Variants in CTNNA3 observed in about 807,000 individuals in gnomAD.
The protein encoded by CTNNA3 is catenin alpha 3.
In CTNNA3, 76 loss-of-function variants were observed where a neutral mutation model predicts 95.7. The observed-to-expected ratio is 0.79, with a 90% CI of 0.66 to 0.96. CTNNA3 has a LOEUF of 0.96. Among genes scored for constraint, CTNNA3 ranks in the 40% least tolerant of loss-of-function variants. The probability of loss-of-function intolerance (pLI) is 0.00; values close to 1 mark genes in which losing one functional copy is unlikely to be tolerated. For synonymous variants in CTNNA3, 431 were observed against 374.4 expected, an observed-to-expected ratio of 1.15 and a Z score of -1.74; for missense variants, 1,191 against 1,089.8, an observed-to-expected ratio of 1.09 and a Z score of -1.31.
At chr10:66,009,265 G>C (rs892942166) in intron 15 of CTNNA3, among the ~76,000 whole-genome samples, 1 of 152,092 alleles carries the variant, frequency 6.6e-6, no homozygotes, top group African/African-American at 2.4e-5. Context: ...ATCTTGTTCT[G>C]TTTGGGCTTC....
intron 14 of CTNNA3, among the ~76,000 whole-genome samples, chr10:66,070,246 A>G (rs758741503): frequency 1.3e-5 from 2 of 152,180 alleles, no homozygotes; most frequent in Non-Finnish European, 2.9e-5. Flanking sequence ...GTGAGGTTGT[A>G]AGAGAGGAGC....
At position 66,300,531 on chromosome 10, in the gene CTNNA3, T is replaced by C. The variant is rs944268205; in HGVS notation, c.1733-19910A>G. Among the ~76,000 whole-genome samples, 12 of 151,786 alleles carry C rather than the reference T, an allele frequency of 7.9e-5. No individual in the cohort carries two copies. In the South Asian group the frequency reaches 2.5e-3, roughly 32 times the overall value. The stretch of plus-strand genomic sequence containing the variant: ...AACAAGTGATTGAAGTTAATATCAC[T>C]AGTTATATAAGTCATGTTGATATGG... On this transcript the variant is annotated intron_variant, in intron 12 of 17. Coordinates refer to ENST00000433211, the MANE Select transcript of CTNNA3 (RefSeq NM_013266.4).
chr10:66,995,153 A>T (rs1003054291), intron 7 of CTNNA3, among the ~76,000 whole-genome samples: 9 of 152,204 alleles, frequency 5.9e-5, no homozygotes, highest in African/African-American at 2.2e-4. Flanking sequence ...TGCACATTCC[A>T]TAATCTCAAA....
chr10:67,590,380 A>G (rs1483587412), intron 3 of CTNNA3, among the ~76,000 whole-genome samples: 2 of 152,108 alleles, frequency 1.3e-5, no homozygotes, highest in Admixed American at 6.5e-5. Context: ...TTGCATTTCT[A>G]TACACCACCA....
chr10:67,433,789 T>G (rs946957076), intron 5 of CTNNA3, among the ~76,000 whole-genome samples: 2 of 152,090 alleles, frequency 1.3e-5, no homozygotes, highest in Non-Finnish European at 2.9e-5. Context: ...CATATATTCC[T>G]TAGACACCAC....
At chr10:66,624,992 G>A (rs1215993477) in intron 9 of CTNNA3, among the ~76,000 whole-genome samples, 2 of 146,988 alleles carry the variant, frequency 1.4e-5, no homozygotes, top group Non-Finnish European at 3.0e-5. Flanking sequence ...ACAAAAGGTA[G>A]TTATTTAAAT....
chr10:67,472,328 T>C (rs529059077), intron 5 of CTNNA3, among the ~76,000 whole-genome samples: 18 of 152,180 alleles, frequency 1.2e-4, no homozygotes, highest in Admixed American at 2.6e-4. Flanking sequence ...CTATCTTAGA[T>C]AAAAATGCAG....
intron 9 of CTNNA3, among the ~76,000 whole-genome samples, chr10:66,708,592 T>TGAG (rs1848194052): frequency 6.6e-6 from 1 of 151,848 alleles, no homozygotes; most frequent in Non-Finnish European, 1.5e-5. Flanking sequence ...AACATATGAA[T>TGAG]GAGGAGGAGG....
intron 1 of CTNNA3, among the ~76,000 whole-genome samples, chr10:67,724,496 G>T (rs546434941): frequency 6.6e-6 from 1 of 152,126 alleles, no homozygotes; most frequent in Non-Finnish European, 1.5e-5. Flanking sequence ...CTACAATTTC[G>T]GGTTTCCCCA....
At chr10:66,556,461 T>A (rs1454921215) in intron 10 of CTNNA3, among the ~76,000 whole-genome samples, 1 of 152,032 alleles carries the variant, frequency 6.6e-6, no homozygotes, top group East Asian at 1.9e-4. Context: ...GGAAACAACC[T>A]ATGTATCTGT....
intron 5 of CTNNA3, among the ~76,000 whole-genome samples, chr10:67,301,448 C>A (rs1361528258): frequency 6.6e-6 from 1 of 152,020 alleles, no homozygotes; most frequent in African/African-American, 2.4e-5. Flanking sequence ...ATGGAGAGTC[C>A]TCAAAAAACT....
At chr10:66,824,219 C>T (rs939756338) in intron 7 of CTNNA3, among the ~76,000 whole-genome samples, 9 of 152,010 alleles carry the variant, frequency 5.9e-5, no homozygotes, top group East Asian at 3.9e-4. Flanking sequence ...TGGCCTGTGT[C>T]GGCTAAGACT....
rs1210482029 is a variant in CTNNA3 at position 67,296,934 on chromosome 10, C to CAAAAA, written c.580-77069_580-77065dup. On this transcript the variant is annotated intron_variant, in intron 5 of 17. Coordinates refer to ENST00000433211, the MANE Select transcript of CTNNA3 (RefSeq NM_013266.4). ...GGGCAACAAGAATGAAACGCTGTCT[C>CAAAAA]AAAAAAAAAAAAAAAAAAAAAAAAA... 4.4e-3 allele frequency among the ~76,000 whole-genome samples: 78 copies of CAAAAA among 17,652 alleles called. 12 individuals carry two copies. Among genetic ancestry groups the CAAAAA allele is most frequent in the African/African-American group, 0.015 (74 of 5,016 alleles). 11.6% of individuals were successfully genotyped at this position (17,652 alleles called of 152,430 possible).
intron 7 of CTNNA3, among the ~76,000 whole-genome samples, chr10:66,952,477 G>GTTT (rs1435366438): frequency 6.6e-6 from 1 of 152,054 alleles, no homozygotes; most frequent in East Asian, 1.9e-4. Context: ...ATGCCGTCTT[G>GTTT]TTTTTCATTT....
intron 3 of CTNNA3, among the ~76,000 whole-genome samples, chr10:67,542,438 G>T (rs1840710822): frequency 6.6e-6 from 1 of 152,078 alleles, no homozygotes; most frequent in Non-Finnish European, 1.5e-5. Flanking sequence ...GGATCTAGAA[G>T]AGTGCCTACT....
intron 10 of CTNNA3, among the ~76,000 whole-genome samples, chr10:66,528,502 C>T (rs993547786): frequency 6.6e-6 from 1 of 152,118 alleles, no homozygotes; most frequent in African/African-American, 2.4e-5. Context: ...CTCATTTGTA[C>T]AGACGCCTTC....
chr10:67,607,085 A>T (rs1338305941), intron 2 of CTNNA3, 36 bp from the exon 3 acceptor site: 1 of 1,484,870 alleles, frequency 6.7e-7, no homozygotes, highest in South Asian at 1.2e-5. Flanking sequence ...TAAATTGACA[A>T]ATTGTAAGGA....
At chr10:66,409,144 ATGGCTAAT>A (rs1441654665) in intron 11 of CTNNA3, among the ~76,000 whole-genome samples, 1 of 152,166 alleles carries the variant, frequency 6.6e-6, no homozygotes, top group Non-Finnish European at 1.5e-5. Flanking sequence ...CTCTAGAAAT[ATGGCTAAT>A]AAAGATGGCT....
chr10:66,291,041 C>G (rs1191973637), intron 12 of CTNNA3, among the ~76,000 whole-genome samples: 1 of 152,028 alleles, frequency 6.6e-6, no homozygotes, highest in Non-Finnish European at 1.5e-5. Context: ...AATATCTGAT[C>G]GTTTGGAAAT....
Sources: gnomAD v4.1 joint callset for allele counts (sites outside exome capture counted in the v4.1 genomes callset) on GRCh38, gnomAD v4.1.1 for gene constraint, MANE v1.5 for transcripts, NCBI Gene and HGNC (gene_info 2026-07-23, HGNC 2026-07-21) for gene names.